REV1: variants seen among roughly 807,000 people sequenced by gnomAD.
REV1 encodes the protein translesion synthesis protein REV1.
Under a neutral mutation model 137.4 loss-of-function variants are expected in REV1, and 42 were observed. The ratio of observed to expected loss-of-function variants is 0.31; its 90% CI spans 0.24 to 0.40. The LOEUF (loss-of-function observed/expected upper bound fraction) is 0.40, where lower values mean the gene tolerates loss of function less well. REV1 is among the 10% of genes least tolerant of loss of function. REV1 has a pLI of 1.00. For synonymous variants in REV1, 524 were observed against 519.2 expected, an observed-to-expected ratio of 1.01 and a Z score of -0.12; for missense variants, 1,282 against 1,490.1, an observed-to-expected ratio of 0.86 and a Z score of 2.30.
chr2:99,452,790 TATAA>T, intron 3 of REV1, among the ~76,000 whole-genome samples: 1 of 152,226 alleles, frequency 6.6e-6, no homozygotes, highest in East Asian at 1.9e-4. Flanking sequence ...GTACAAGTGG[TATAA>T]ATACTTAAAA....
intron 1 of REV1, among the ~76,000 whole-genome samples, chr2:99,486,927 A>C (rs866048720): frequency 4.7e-5 from 7 of 150,082 alleles, no homozygotes; most frequent in African/African-American, 1.2e-4. Context: ...GAAAAAAAAA[A>C]CAGTGTATCT....
chr2:99,460,130 G>A (rs896725877), intron 3 of REV1, among the ~76,000 whole-genome samples: 18 of 152,196 alleles, frequency 1.2e-4, no homozygotes, highest in Non-Finnish European at 2.4e-4. Flanking sequence ...AGGCTGGAGT[G>A]CAGTGGCGCA....
chr2:99,426,105 G>A (rs1282076079), intron 9 of REV1, among the ~76,000 whole-genome samples: 1 of 151,518 alleles, frequency 6.6e-6, no homozygotes, highest in Non-Finnish European at 1.5e-5. Context: ...CAGCACTTTG[G>A]GAGGCCGAGG....
chr2:99,405,760 T>G, intron 17 of REV1, 150 bp downstream of exon 17: 1 of 506,170 alleles, frequency 2.0e-6, no homozygotes, highest in East Asian at 3.3e-5. Flanking sequence ...GAATCCAACA[T>G]CATGATCTAC....
chr2:99,451,731 C>A (rs1682943482), intron 3 of REV1, among the ~76,000 whole-genome samples: 2 of 151,872 alleles, frequency 1.3e-5, no homozygotes, highest in African/African-American at 2.4e-5. Context: ...GAACTCCTTT[C>A]GAGTAATGTA....
chr2:99,463,162 C>T (rs1684422944), intron 2 of REV1, among the ~76,000 whole-genome samples: 1 of 151,960 alleles, frequency 6.6e-6, no homozygotes, highest in Non-Finnish European at 1.5e-5. Flanking sequence ...TCTATCAACT[C>T]AAGTTTTAAT....
chr2:99,458,748 G>T (rs984121155), intron 3 of REV1, among the ~76,000 whole-genome samples: 1 of 152,156 alleles, frequency 6.6e-6, no homozygotes, highest in African/African-American at 2.4e-5. Flanking sequence ...TTTATGCTCA[G>T]TGAAAAAAGC....
At chr2:99,428,654 T>TC (rs1679681665) in intron 9 of REV1, among the ~76,000 whole-genome samples, 1 of 152,170 alleles carries the variant, frequency 6.6e-6, no homozygotes, top group African/African-American at 2.4e-5. Context: ...AAATATTTTT[T>TC]CTTCAGATTA....
chr2:99,484,782 G>T (rs1038367115), intron 1 of REV1, among the ~76,000 whole-genome samples: 15 of 152,084 alleles, frequency 9.9e-5, no homozygotes, highest in Non-Finnish European at 2.2e-4. Context: ...AAATTTAACG[G>T]CAAGCTTCCA....
chr2:99,447,054 A>AT, intron 4 of REV1, among the ~76,000 whole-genome samples: 3 of 152,230 alleles, frequency 2.0e-5, no homozygotes, highest in African/African-American at 7.2e-5. Context: ...TTAGGTCATG[A>AT]GACCACAGTG....
At chr2:99,428,869 G>A (rs922586797) in intron 9 of REV1, among the ~76,000 whole-genome samples, 2 of 151,918 alleles carry the variant, frequency 1.3e-5, no homozygotes, top group African/African-American at 4.8e-5. Flanking sequence ...GCGAGCACCT[G>A]TAGTCCCAGC....
chr2:99,424,334 ATATTT>A, intron 9 of REV1, 54 bp from the exon 10 acceptor site: 1 of 1,563,890 alleles, frequency 6.4e-7, no homozygotes, highest in Non-Finnish European at 8.7e-7. Flanking sequence ...TTCAACTCAA[ATATTT>A]ATCAAATATG....
At chr2:99,434,498 C>T (rs754323504) in intron 7 of REV1, 50 bp from the exon 8 acceptor site, 57 of 1,305,834 alleles carry the variant, frequency 4.4e-5, no homozygotes, top group Non-Finnish European at 5.5e-5. Flanking sequence ...GGAATGTTAA[C>T]AACATGTAAG....
intron 8 of REV1, among the ~76,000 whole-genome samples, chr2:99,433,303 T>C (rs1348574737): frequency 2.0e-5 from 3 of 152,128 alleles, no homozygotes; most frequent in East Asian, 3.9e-4. Flanking sequence ...ACACACAAAA[T>C]TCTAGAATCT....
intron 9 of REV1, among the ~76,000 whole-genome samples, chr2:99,428,837 A>G (rs1400982997): frequency 6.6e-6 from 1 of 151,906 alleles, no homozygotes; most frequent in Non-Finnish European, 1.5e-5. Flanking sequence ...AAAAAATACA[A>G]AAAAATTAGC....
intron 1 of REV1, among the ~76,000 whole-genome samples, chr2:99,488,555 C>G (rs1449130803): frequency 2.0e-5 from 1 of 49,764 alleles, no homozygotes; most frequent in Non-Finnish European, 4.5e-5. Flanking sequence ...TGGAAGAGAG[C>G]CTTGTATACT....
At chr2:99,466,198 G>A (rs1400573136) in intron 1 of REV1, among the ~76,000 whole-genome samples, 2 of 151,896 alleles carry the variant, frequency 1.3e-5, no homozygotes, top group African/African-American at 2.4e-5. Flanking sequence ...TGATCCGCCG[G>A]CCTCTGCCTC....
intron 1 of REV1, among the ~76,000 whole-genome samples, chr2:99,473,862 G>A (rs949467627): frequency 6.6e-6 from 1 of 152,120 alleles, no homozygotes; most frequent in Non-Finnish European, 1.5e-5. Context: ...ATCTTTTCTT[G>A]GGACATTCTC....
In REV1 at chr2:99,412,885, T is replaced by C. The variant is rs762464459; in HGVS notation, c.2018A>G (p.Tyr673Cys). 1 of 1,614,174 alleles carries C rather than the reference T, an allele frequency of 6.2e-7. No homozygotes were observed. The highest frequency in any genetic ancestry group is 1.7e-5 in the Admixed American group (1 of 60,026). The change falls in exon 13 of 23, where the codon TAT becomes TGT. Residue 673 changes from tyrosine to cysteine, a missense_variant. Physicochemically the swap from Tyr to Cys is radical, Grantham distance 194. Around this residue, in one of 7 missense-constraint regions of REV1, gnomAD observed 372 missense variants for 482.3 expected, o/e 0.77. Coordinates refer to ENST00000258428, the MANE Select transcript of REV1 (RefSeq NM_016316.4). ...TTTTTGGAGTTTTGCCATGGTCATA[T>C]ACTGCAAGTCTCCACAAGTTTTAAT... Reference protein sequence around the residue: ...LGIKTCGDLQYMTMAKLQKEF... With the variant: ...LGIKTCGDLQCMTMAKLQKEF...
Sources: allele counts gnomAD v4.1 joint callset (sites outside exome capture counted in the v4.1 genomes callset), GRCh38; gene constraint gnomAD v4.1.1; regional missense constraint gnomAD v4.1.1; transcripts MANE v1.5; gene names NCBI Gene and HGNC (gene_info 2026-07-23, HGNC 2026-07-21).